The following P2RX5 variants were observed in gnomAD, a reference collection of about 807,000 sequenced individuals.
P2RX5 encodes the protein P2X purinoceptor 5.
Under a neutral mutation model 54.1 loss-of-function variants are expected in P2RX5, and 46 were observed. The ratio of observed to expected loss-of-function variants is 0.85; its 90% CI spans 0.67 to 1.09. The LOEUF (loss-of-function observed/expected upper bound fraction) is 1.09, where lower values mean the gene tolerates loss of function less well. P2RX5 is among the 50% of genes least tolerant of loss of function. The probability of loss-of-function intolerance (pLI) is 0.00; values close to 1 mark genes in which losing one functional copy is unlikely to be tolerated. For missense variants in P2RX5, 566 were observed against 549.8 expected, an observed-to-expected ratio of 1.03 and a Z score of -0.29; for synonymous variants, 226 against 226.4, an observed-to-expected ratio of 1.00 and a Z score of 0.02.
chr17:3,680,522 TGCGTCCTCCACCCA>T lies in P2RX5; in HGVS notation c.1065-752_1065-739del, dbSNP rs66727066. 2.0e-3 allele frequency among the ~76,000 whole-genome samples: 223 copies of T among 111,202 alleles called. 1 individual carries two copies. The highest frequency in any genetic ancestry group is 6.6e-3 in the African/African-American group (171 of 25,850). The allele number at this position is 111,202 out of a possible 152,430, so 73.0% of individuals were successfully genotyped here. A position where few individuals can be genotyped will look rare whatever the true frequency, so the allele number is the denominator to read the frequency against. ...GTCCTCCACCCTGCATCCTCCACCC[TGCGTCCTCCACCCA>T]GCGTCCTCCACCCGGCGTCCTCCAC... On this transcript the variant is annotated intron_variant, in intron 10 of 11. Transcript: ENST00000225328.
the P2RX5 span, among the ~76,000 whole-genome samples, chr17:3,719,173 T>C: frequency 1.4e-5 from 2 of 143,206 alleles, no homozygotes; most frequent in Admixed American, 1.4e-4. Flanking sequence ...GAGGTGGAGG[T>C]TGCAGTGAGC....
At chr17:3,695,374 C>CG (rs2050728324) in intron 1 of P2RX5, among the ~76,000 whole-genome samples, 2 of 152,120 alleles carry the variant, frequency 1.3e-5, no homozygotes, top group Non-Finnish European at 2.9e-5. Context: ...GGCAAGTTGA[C>CG]CGGAAGGGAG....
intron 2 of P2RX5, 150 bp from the exon 3 acceptor site, chr17:3,691,177 T>C: frequency 1.5e-6 from 1 of 671,280 alleles, no homozygotes; most frequent in Non-Finnish European, 2.7e-6. Context: ...CATCTGCTCA[T>C]GGACCCCACA....
the P2RX5 span, among the ~76,000 whole-genome samples, chr17:3,715,100 G>T: frequency 6.6e-6 from 1 of 152,038 alleles, no homozygotes; most frequent in African/African-American, 2.4e-5. Context: ...CTCCTGGAGA[G>T]TCCAATCCTT....
chr17:3,717,486 C>G, the P2RX5 span: 1 of 152,216 alleles, frequency 6.6e-6, no homozygotes, highest in Non-Finnish European at 1.5e-5. Context: ...TGGCAGGGCT[C>G]AGCTAGAAAG....
chr17:3,705,210 G>A, the P2RX5 span, among the ~76,000 whole-genome samples: 1 of 152,194 alleles, frequency 6.6e-6, no homozygotes, highest in African/African-American at 2.4e-5. Flanking sequence ...GTGATGCAAT[G>A]AGAATGAGTG....
intron 11 of P2RX5, among the ~76,000 whole-genome samples, chr17:3,678,812 A>G (rs1030312541): frequency 1.3e-5 from 2 of 152,180 alleles, no homozygotes; most frequent in African/African-American, 4.8e-5. Flanking sequence ...TGGGAGGGGA[A>G]AAAAGGGAAA....
the P2RX5 span, among the ~76,000 whole-genome samples, chr17:3,703,757 A>G: frequency 6.6e-6 from 1 of 152,036 alleles, no homozygotes; most frequent in Non-Finnish European, 1.5e-5. Context: ...AACAAACCCA[A>G]AAAACATTCC....
chr17:3,679,486 A>G (rs2050179465), intron 11 of P2RX5, 104 bp downstream of exon 11: 3 of 1,018,148 alleles, frequency 2.9e-6, no homozygotes, highest in Non-Finnish European at 4.5e-6. Context: ...AGCTCACACC[A>G]GAGCAGAGGG....
Position 3,673,885 on chromosome 17 carries a change from A to G in P2RX5, c.1260-8T>C. The G allele has an allele frequency of 6.2e-7, 1 of 1,611,108 alleles. No homozygotes were observed. The highest frequency in any genetic ancestry group is 8.5e-7 in the Non-Finnish European group (1 of 1,178,786). On this transcript the variant is annotated splice_polypyrimidine_tract_variant and splice_region_variant and intron_variant, in intron 11 of 11. Coordinates refer to ENST00000225328, the MANE Select transcript of P2RX5 (RefSeq NM_002561.4). ...GAGGCAATTCACGTGCTCCTGGAAT[A>G]TCAGAACAGAAAGGAGCTCTTGAGA...
chr17:3,680,835 G>T (rs537459872), intron 10 of P2RX5, among the ~76,000 whole-genome samples: 22 of 109,684 alleles, frequency 2.0e-4, no homozygotes, highest in African/African-American at 8.1e-4. Context: ...TCCACCCAGC[G>T]TCCTCCACCC....
At chr17:3,719,184 C>T in the P2RX5 span, among the ~76,000 whole-genome samples, 8 of 136,338 alleles carry the variant, frequency 5.9e-5, no homozygotes, top group Non-Finnish European at 1.2e-4. Context: ...TGCAGTGAGC[C>T]GAGATGGCAC....
the P2RX5 span, among the ~76,000 whole-genome samples, chr17:3,713,508 T>C: frequency 6.6e-6 from 1 of 152,112 alleles, no homozygotes; most frequent in Non-Finnish European, 1.5e-5. Flanking sequence ...CCCAGCACTT[T>C]GGGAGGCTGA....
At chr17:3,679,180 G>T (rs2050171785) in intron 11 of P2RX5, among the ~76,000 whole-genome samples, 1 of 152,214 alleles carries the variant, frequency 6.6e-6, no homozygotes, top group African/African-American at 2.4e-5. Flanking sequence ...TGTGTGACTT[G>T]AGCAAATTAC....
At chr17:3,719,628 C>T in the P2RX5 span, among the ~76,000 whole-genome samples, 2 of 152,194 alleles carry the variant, frequency 1.3e-5, no homozygotes, top group Non-Finnish European at 1.5e-5. Flanking sequence ...TTTATGCATT[C>T]CTGAGTACTG....
chr17:3,711,438 AGTGGCG>A, the P2RX5 span, among the ~76,000 whole-genome samples: 2 of 118,796 alleles, frequency 1.7e-5, no homozygotes, highest in Non-Finnish European at 3.2e-5. Context: ...GCTGGAGTGC[AGTGGCG>A]CGATCTTGGC....
At chr17:3,679,902 A>G in intron 10 of P2RX5, 118 bp from the exon 11 acceptor site, 2 of 859,760 alleles carry the variant, frequency 2.3e-6, no homozygotes, top group Non-Finnish European at 3.8e-6. Context: ...TGCTTCCTCC[A>G]GCCGGTGTCC....
At chr17:3,704,122 A>AAAAC in the P2RX5 span, among the ~76,000 whole-genome samples, 154 of 149,188 alleles carry the variant, frequency 1.0e-3, no homozygotes, top group African/African-American at 3.4e-3. Flanking sequence ...AACAAACAAA[A>AAAAC]CCCAAAAAAC....
chr17:3,723,194 T>C, the P2RX5 span: 1 of 894,976 alleles, frequency 1.1e-6, no homozygotes, highest in Non-Finnish European at 1.9e-6. Context: ...ATTTTGGACA[T>C]GGACATGTTA....
Sources: allele counts gnomAD v4.1 joint callset (sites outside exome capture counted in the v4.1 genomes callset), GRCh38; gene constraint gnomAD v4.1.1; transcripts MANE v1.5; gene names NCBI Gene and HGNC (gene_info 2026-07-23, HGNC 2026-07-21).